Variants in CARM1 observed in about 807,000 individuals in gnomAD.
CARM1 encodes coactivator associated arginine methyltransferase 1.
A neutral mutation model predicts 72.7 loss-of-function variants in CARM1; 14 were observed. The ratio of observed to expected loss-of-function variants is 0.19; its 90% CI spans 0.13 to 0.30. The LOEUF (loss-of-function observed/expected upper bound fraction) is 0.30, where lower values mean the gene tolerates loss of function less well. CARM1 is among the 10% of genes least tolerant of loss of function. The probability of loss-of-function intolerance (pLI) is 1.00; values close to 1 mark genes in which losing one functional copy is unlikely to be tolerated. For synonymous variants in CARM1, 333 were observed against 345.5 expected (o/e 0.96, Z 0.40); for missense variants, 432 against 833.7 (o/e 0.52, Z 5.93).
Position 10,875,666 on chromosome 19 carries a change from T to C in CARM1, c.220+3744T>C, listed in dbSNP as rs552547641. On this transcript the variant is annotated intron_variant, in intron 1 of 15. Coordinates refer to ENST00000327064, the MANE Select transcript of CARM1 (RefSeq NM_199141.2). ...GTCTCCATCTCCTGACCTCGTGATC[T>C]GCCCACCTTGGCCTCCCAAAGTGCT... Among the ~76,000 whole-genome samples, 874 of 152,118 alleles carry C rather than the reference T, an allele frequency of 5.7e-3. 4 individuals carry two copies. The highest frequency in any genetic ancestry group is 0.017 in the Middle Eastern group (5 of 294).
chr19:10,921,521 C>T, intron 15 of CARM1, 78 bp downstream of exon 15: 4 of 1,567,772 alleles, frequency 2.6e-6, no homozygotes, highest in Non-Finnish European at 3.5e-6. Flanking sequence ...GGCCGCCCGC[C>T]TGCCCTCTTG....
chr19:10,914,674 G>A (rs1224216102), intron 6 of CARM1, among the ~76,000 whole-genome samples: 3 of 152,178 alleles, frequency 2.0e-5, no homozygotes, highest in Non-Finnish European at 2.9e-5. Flanking sequence ...TTGTGCTTCA[G>A]CCTCCTGAGT....
At chr19:10,907,048 A>G (rs1053339596) in intron 2 of CARM1, among the ~76,000 whole-genome samples, 1 of 151,658 alleles carries the variant, frequency 6.6e-6, no homozygotes, top group Non-Finnish European at 1.5e-5. Flanking sequence ...CTGGGATTAC[A>G]GGTGCCCGCC....
intron 6 of CARM1, 42 bp downstream of exon 6, chr19:10,914,096 G>A (rs1238991460): frequency 3.9e-6 from 6 of 1,550,778 alleles, no homozygotes; most frequent in Non-Finnish European, 5.2e-6. Context: ...CTCGGTGGAG[G>A]CCCTGGCTGC....
At chr19:10,885,603 T>G (rs1467060763) in intron 1 of CARM1, among the ~76,000 whole-genome samples, 1 of 152,202 alleles carries the variant, frequency 6.6e-6, no homozygotes, top group South Asian at 2.1e-4. Flanking sequence ...GAATAAATAA[T>G]CAAAGACTGG....
chr19:10,915,560 C>G lies in CARM1; in HGVS notation c.848-847C>G, dbSNP rs2074188714. Among the ~76,000 whole-genome samples the G allele has an allele frequency of 6.6e-6, 1 of 152,124 alleles. No individual in the cohort carries two copies. Among genetic ancestry groups the G allele is most frequent in the Non-Finnish European group, 1.5e-5 (1 of 67,982 alleles). On this transcript the variant is annotated intron_variant, in intron 6 of 15. Coordinates refer to ENST00000327064, the MANE Select transcript of CARM1 (RefSeq NM_199141.2). This position sits in a 1 kb window ranked among gnomAD's most constrained non-coding sequence, Gnocchi z 4.6. Reference sequence around the variant, plus strand: ...CTTCCCATGGTGCCCCCAGGTCCCCCAGGGCAGAAGCCGCAGCATGTGCAT... The same window carrying G: ...CTTCCCATGGTGCCCCCAGGTCCCCGAGGGCAGAAGCCGCAGCATGTGCAT...
chr19:10,888,470 C>T (rs2073957422), intron 1 of CARM1, among the ~76,000 whole-genome samples: 1 of 152,186 alleles, frequency 6.6e-6, no homozygotes, highest in South Asian at 2.1e-4. Context: ...TGAGCACTAA[C>T]CGAGGCCCTG....
intron 1 of CARM1, among the ~76,000 whole-genome samples, chr19:10,883,347 C>A (rs79403945): frequency 6.6e-6 from 1 of 152,044 alleles, no homozygotes; most frequent in Non-Finnish European, 1.5e-5. Context: ...AAGACCCCCT[C>A]GTCCCCAGTG....
chr19:10,908,014 C>CG (rs1568353725), intron 2 of CARM1, 25 bp from the exon 3 acceptor site: 1 of 1,530,326 alleles, frequency 6.5e-7, no homozygotes, highest in Non-Finnish European at 9.1e-7. Flanking sequence ...GACCGCCCCC[C>CG]GGTGACTTGG....
At chr19:10,891,839 G>C (rs936179949) in intron 1 of CARM1, among the ~76,000 whole-genome samples, 3 of 152,184 alleles carry the variant, frequency 2.0e-5, no homozygotes, top group Admixed American at 6.5e-5. Flanking sequence ...ACATACAAGC[G>C]CGCACGCATA....
At chr19:10,899,813 C>T (rs1031559964) in intron 1 of CARM1, among the ~76,000 whole-genome samples, 22 of 151,890 alleles carry the variant, frequency 1.4e-4, no homozygotes, top group Middle Eastern at 6.8e-3. Context: ...CTCCACCTCC[C>T]GGGTTCAAGC....
Position 10,890,791 on chromosome 19 carries a change from A to T in CARM1, c.221-14160A>T, listed in dbSNP as rs868720960. 8.0e-3 allele frequency among the ~76,000 whole-genome samples: 792 copies of T among 99,416 alleles called. 21 individuals are homozygous for T. The highest frequency in any genetic ancestry group is 0.025 in the African/African-American group (534 of 21,328). The allele number at this position is 99,416 out of a possible 152,430, so 65.2% of individuals were successfully genotyped here. On this transcript the variant is annotated intron_variant, in intron 1 of 15. Transcript: ENST00000327064. The stretch of plus-strand genomic sequence containing the variant: ...CACACACACATATATATATATATAT[A>T]TATATTTTTTTTTTTTTTTTTTTTT...
At chr19:10,875,425 T>C (rs868260377) in intron 1 of CARM1, among the ~76,000 whole-genome samples, 16 of 152,038 alleles carry the variant, frequency 1.1e-4, no homozygotes, top group Admixed American at 5.9e-4. Flanking sequence ...GCTGTTCTTT[T>C]CTTTTCTTTT....
Position 10,920,954 on chromosome 19 carries a change from G to A in CARM1, c.1537+8G>A, listed in dbSNP as rs768998891. 1.9e-6 allele frequency: 3 copies of A among 1,613,534 alleles called. No homozygotes were observed. Among genetic ancestry groups the A allele is most frequent in the Non-Finnish European group, 2.5e-6 (3 of 1,179,412 alleles). ...GCGGGATGGCCGTGGCAGGTGAGCA[G>A]GGCCCACCCCAATGCCCAGCCAACC... is the stretch of plus-strand genomic sequence containing the variant. On this transcript the variant is annotated splice_region_variant and intron_variant, in intron 13 of 15. Coordinates refer to ENST00000327064, the MANE Select transcript of CARM1 (RefSeq NM_199141.2). The surrounding 1 kb of genome is among the most constrained non-coding windows in gnomAD (Gnocchi z 5.3).
intron 1 of CARM1, among the ~76,000 whole-genome samples, chr19:10,900,874 G>A (rs976769876): frequency 6.6e-6 from 1 of 151,780 alleles, no homozygotes; most frequent in Non-Finnish European, 1.5e-5. Context: ...TAGTAGAGAC[G>A]GGGTTTCACC....
At position 10,921,420 on chromosome 19, in the gene CARM1, T is replaced by C; in HGVS notation, c.1661T>C (p.Ile554Thr). 6.2e-7 allele frequency: 1 copy of C among 1,610,296 alleles called. No individual in the cohort carries two copies. The highest frequency in any genetic ancestry group is 8.5e-7 in the Non-Finnish European group (1 of 1,178,730). ...VNHTHSRMGS[I>T]MSTGIVQGSS... ...CACACCCACTCCCGGATGGGCTCCATAATGAGCACGGGGATTGTCCAAGGT... is the reference window on the plus strand; with the variant it reads ...CACACCCACTCCCGGATGGGCTCCACAATGAGCACGGGGATTGTCCAAGGT... The change falls in exon 15 of 16, where the codon ATA becomes ACA. Residue 554 changes from isoleucine to threonine, a missense_variant. Around this residue, in one of 3 missense-constraint regions of CARM1, gnomAD observed 142 missense variants for 188.7 expected, o/e 0.75. Coordinates refer to ENST00000327064, the MANE Select transcript of CARM1 (RefSeq NM_199141.2).
At chr19:10,904,645 G>A (rs1264559774) in intron 1 of CARM1, among the ~76,000 whole-genome samples, 1 of 152,248 alleles carries the variant, frequency 6.6e-6, no homozygotes, top group African/African-American at 2.4e-5. Context: ...CCAGCTCTGA[G>A]TTCCTGTGGG....
intron 1 of CARM1, among the ~76,000 whole-genome samples, chr19:10,872,771 C>T (rs1050179368): frequency 6.6e-6 from 1 of 152,010 alleles, no homozygotes; most frequent in Non-Finnish European, 1.5e-5. Context: ...TCTTGTTACT[C>T]CTTCTTATCT....
intron 1 of CARM1, among the ~76,000 whole-genome samples, chr19:10,873,241 AG>A (rs1315955927): frequency 4.6e-5 from 7 of 152,154 alleles, no homozygotes; most frequent in Non-Finnish European, 4.4e-5. Context: ...TTCCAAAACT[AG>A]GGTCCCAGGG....
Sources: allele counts gnomAD v4.1 joint callset (sites outside exome capture counted in the v4.1 genomes callset), GRCh38; gene constraint gnomAD v4.1.1; regional missense constraint gnomAD v4.1.1; non-coding constraint Gnocchi (gnomAD v3.1); transcripts MANE v1.5; gene names NCBI Gene and HGNC (gene_info 2026-07-23, HGNC 2026-07-21).